CSNK2A2: variants seen among roughly 807,000 people sequenced by gnomAD.
The protein encoded by CSNK2A2 is casein kinase 2 alpha 2, also known as casein kinase II subunit alpha'.
A neutral mutation model predicts 54.0 loss-of-function variants in CSNK2A2; 8 were observed. That is an observed-to-expected ratio of 0.15 (90% CI 0.09 to 0.27). The LOEUF (loss-of-function observed/expected upper bound fraction) is 0.27, where lower values mean the gene tolerates loss of function less well. CSNK2A2 is among the 10% of genes least tolerant of loss of function. CSNK2A2 has a pLI of 1.00. For missense variants in CSNK2A2, 242 were observed against 439.4 expected, an observed-to-expected ratio of 0.55 and a Z score of 4.02; for synonymous variants, 141 against 153.9, an observed-to-expected ratio of 0.92 and a Z score of 0.62.
intron 2 of CSNK2A2, among the ~76,000 whole-genome samples, chr16:58,187,500 C>G (rs1019879116): frequency 3.2e-4 from 49 of 152,316 alleles, no homozygotes; most frequent in African/African-American, 1.2e-3. Context: ...CTGAACACTT[C>G]TATCTAACTT....
chr16:58,166,194 CAAG>C (rs1489814365), intron 9 of CSNK2A2, among the ~76,000 whole-genome samples: 2 of 151,978 alleles, frequency 1.3e-5, no homozygotes, highest in Non-Finnish European at 2.9e-5. Flanking sequence ...TTACAGAGAA[CAAG>C]AAGAAATTGT....
intron 3 of CSNK2A2, among the ~76,000 whole-genome samples, chr16:58,185,765 T>C (rs993018310): frequency 1.3e-5 from 2 of 152,242 alleles, no homozygotes; most frequent in Non-Finnish European, 2.9e-5. Context: ...AAAACTTTCC[T>C]TATGCTTCAA....
At chr16:58,159,468 G>T (rs990994319) in intron 11 of CSNK2A2, 16 of 152,350 alleles carry the variant, frequency 1.1e-4, no homozygotes, top group African/African-American at 3.8e-4. Context: ...ACATCAAGGT[G>T]TAACACACAT....
intron 4 of CSNK2A2, among the ~76,000 whole-genome samples, chr16:58,182,268 C>T (rs1013711416): frequency 3.4e-5 from 5 of 148,184 alleles, no homozygotes; most frequent in Non-Finnish European, 5.9e-5. Context: ...CGGTGGCTCA[C>T]GCTTGTAATC....
chr16:58,178,429 C>T lies in CSNK2A2; in HGVS notation c.370-3919G>A, dbSNP rs555350468. On this transcript the variant is annotated intron_variant, in intron 4 of 11. Coordinates refer to ENST00000262506, the MANE Select transcript of CSNK2A2 (RefSeq NM_001896.4). ...CCTCCTGAGTAGCTGGGACTACAGG[C>T]GTGCACCATAGCCCGCCGAATTTTT... Among the ~76,000 whole-genome samples, 341 of 151,968 alleles carry T rather than the reference C, an allele frequency of 2.2e-3. 1 individual carries two copies. The highest frequency in any genetic ancestry group is 7.6e-3 in the African/African-American group (314 of 41,352).
intron 2 of CSNK2A2, among the ~76,000 whole-genome samples, chr16:58,195,763 T>G (rs1385088104): frequency 6.6e-6 from 1 of 152,250 alleles, no homozygotes; most frequent in Non-Finnish European, 1.5e-5. Flanking sequence ...ATCAAAGAGA[T>G]AACGTCATAT....
intron 5 of CSNK2A2, among the ~76,000 whole-genome samples, chr16:58,170,841 T>C (rs545901422): frequency 2.0e-5 from 3 of 152,264 alleles, no homozygotes; most frequent in South Asian, 2.1e-4. Context: ...ATTTTTTTAA[T>C]GTAAAAATTT....
In CSNK2A2 at chr16:58,182,374, C is replaced by CAAAAAAAAAAAAAAA. The variant is rs71155249; in HGVS notation, c.369+1871_369+1885dup. ...AAAACCCCATTTCTACTAAATATAC[C>CAAAAAAAAAAAAAAA]AAAAAAAAAAAAAAAAAAAAAAAAA... On this transcript the variant is annotated intron_variant, in intron 4 of 11. Transcript: ENST00000262506. Among the ~76,000 whole-genome samples, 13 of 25,742 alleles carry CAAAAAAAAAAAAAAA rather than the reference C, an allele frequency of 5.1e-4. 2 individuals carry two copies. The highest frequency in any genetic ancestry group is 1.4e-3 in the East Asian group (1 of 728). The allele number at this position is 25,742 out of a possible 152,430, so 16.9% of individuals were successfully genotyped here. A position where few individuals can be genotyped will look rare whatever the true frequency, so the allele number is the denominator to read the frequency against.
At chr16:58,164,276 G>A (rs1286468232) in intron 10 of CSNK2A2, 129 bp from the exon 11 acceptor site, 14 of 681,160 alleles carry the variant, frequency 2.1e-5, no homozygotes, top group Middle Eastern at 2.9e-4. Context: ...GGGGCAACAG[G>A]AGAGACGGAA....
chr16:58,173,772 C>T (rs578158034), intron 5 of CSNK2A2, among the ~76,000 whole-genome samples: 1 of 152,322 alleles, frequency 6.6e-6, no homozygotes, highest in East Asian at 1.9e-4. Flanking sequence ...ATATTCAATG[C>T]TTTTCCCATC....
chr16:58,180,755 G>A (rs538989444), intron 4 of CSNK2A2, among the ~76,000 whole-genome samples: 5 of 152,190 alleles, frequency 3.3e-5, no homozygotes, highest in Middle Eastern at 3.4e-3. Context: ...AATGGGCTGC[G>A]GGCTGCATCA....
intron 4 of CSNK2A2, among the ~76,000 whole-genome samples, chr16:58,178,233 T>TC (rs974823968): frequency 1.5e-4 from 21 of 144,340 alleles, no homozygotes; most frequent in Non-Finnish European, 2.9e-4. Context: ...TATCGAAATC[T>TC]TTTTTTTTTT....
chr16:58,173,260 A>G (rs933330207), intron 5 of CSNK2A2, among the ~76,000 whole-genome samples: 4 of 152,244 alleles, frequency 2.6e-5, no homozygotes, highest in Admixed American at 1.3e-4. Context: ...CCCATTAGCC[A>G]TAAGAGTGAA....
At chr16:58,189,707 A>G (rs1962280818) in intron 2 of CSNK2A2, among the ~76,000 whole-genome samples, 1 of 152,348 alleles carries the variant, frequency 6.6e-6, no homozygotes. Flanking sequence ...GGCACAAAGG[A>G]GTCCCAAGTC....
At chr16:58,190,969 A>G (rs2142448449) in intron 2 of CSNK2A2, among the ~76,000 whole-genome samples, 1 of 152,356 alleles carries the variant, frequency 6.6e-6, no homozygotes, top group African/African-American at 2.4e-5. Context: ...AAAACATGGA[A>G]GCAACCCATC....
intron 4 of CSNK2A2, among the ~76,000 whole-genome samples, chr16:58,177,318 G>A (rs1410242469): frequency 6.6e-6 from 1 of 152,218 alleles, no homozygotes; most frequent in Non-Finnish European, 1.5e-5. Flanking sequence ...GCCAGCTACA[G>A]GGAGAACATT....
chr16:58,176,578 C>T (rs1168683271), intron 4 of CSNK2A2, among the ~76,000 whole-genome samples: 1 of 152,156 alleles, frequency 6.6e-6, no homozygotes, highest in Non-Finnish European at 1.5e-5. Flanking sequence ...CTGGCTTCCT[C>T]CGACTTTTGT....
At chr16:58,185,094 G>A (rs957008247) in intron 3 of CSNK2A2, among the ~76,000 whole-genome samples, 2 of 151,880 alleles carry the variant, frequency 1.3e-5, no homozygotes, top group Admixed American at 6.6e-5. Flanking sequence ...GTAAAATAAC[G>A]CTAATTGGCA....
chr16:58,180,091 A>AAAG (rs1961993075), intron 4 of CSNK2A2, among the ~76,000 whole-genome samples: 2 of 151,412 alleles, frequency 1.3e-5, no homozygotes, highest in South Asian at 2.1e-4. Flanking sequence ...AAAAAAAAAA[A>AAAG]AAAAGAAAAA....
Sources: allele counts gnomAD v4.1 joint callset (sites outside exome capture counted in the v4.1 genomes callset), GRCh38; gene constraint gnomAD v4.1.1; transcripts MANE v1.5; gene names NCBI Gene and HGNC (gene_info 2026-07-23, HGNC 2026-07-21).